The following ANKS1A variants were observed in gnomAD, a reference collection of about 807,000 sequenced individuals.
ANKS1A encodes the protein ankyrin repeat and sterile alpha motif domain containing 1A, also known as ankyrin repeat and SAM domain-containing protein 1A.
A neutral mutation model predicts 120.3 loss-of-function variants in ANKS1A; 55 were observed. The observed-to-expected ratio is 0.46, with a 90% CI of 0.37 to 0.57. The LOEUF (loss-of-function observed/expected upper bound fraction) is 0.57. Among genes scored for constraint, ANKS1A ranks in the 20% least tolerant of loss-of-function variants. ANKS1A has a pLI of 0.00. For missense variants in ANKS1A, 1,123 were observed against 1,480.3 expected (o/e 0.76, Z 3.96); for synonymous variants, 590 against 604.7 (o/e 0.98, Z 0.36).
intron 13 of ANKS1A, among the ~76,000 whole-genome samples, chr6:35,062,006 T>C (rs557603112): frequency 2.6e-5 from 4 of 152,356 alleles, no homozygotes; most frequent in African/African-American, 7.2e-5. Flanking sequence ...CTTCTGCTGA[T>C]TTTGGAAAGA....
chr6:34,978,894 TTTTG>T (rs772959159), intron 3 of ANKS1A, among the ~76,000 whole-genome samples: 28 of 151,870 alleles, frequency 1.8e-4, no homozygotes, highest in Non-Finnish European at 2.5e-4. Context: ...CTACTAGTTT[TTTTG>T]TTTGTTTGTT....
intron 10 of ANKS1A, among the ~76,000 whole-genome samples, chr6:35,009,466 G>T (rs1773627328): frequency 6.6e-6 from 1 of 152,122 alleles, no homozygotes; most frequent in South Asian, 2.1e-4. Flanking sequence ...TTTCAAATGT[G>T]TTAAGTTTGA....
At position 34,994,335 on chromosome 6, in the gene ANKS1A, G is replaced by A; in HGVS notation, c.1336G>A (p.Ala446Thr). 1.9e-6 allele frequency: 3 copies of A among 1,613,600 alleles called. No individual in the cohort carries two copies. Among genetic ancestry groups the A allele is most frequent in the South Asian group, 1.1e-5 (1 of 91,072 alleles). The stretch of plus-strand genomic sequence containing the variant: ...CATGAGACCTAGGATTCATGGGAGT[G>A]CAGCCCGGGAAGAAGACGAACACCC... The part of the protein sequence containing the change: ...LSMRPRIHGS[A>T]AREEDEHPYE... The change falls in exon 10 of 24, where the codon GCA (alanine) becomes ACA (threonine). Residue 446 changes from alanine (A) to threonine (T), a missense_variant. By Grantham distance (58) the Ala-to-Thr change is moderately conservative. Transcript: ENST00000360359.
intron 10 of ANKS1A, among the ~76,000 whole-genome samples, chr6:35,004,529 A>G (rs1192324245): frequency 6.6e-6 from 1 of 152,194 alleles, no homozygotes; most frequent in Non-Finnish European, 1.5e-5. Flanking sequence ...TCACTGAGGA[A>G]GAAAACATTT....
chr6:34,964,105 C>T (rs1392334632), intron 1 of ANKS1A, among the ~76,000 whole-genome samples: 1 of 152,138 alleles, frequency 6.6e-6, no homozygotes, highest in Non-Finnish European at 1.5e-5. Context: ...CTTTGCTGTA[C>T]AGAATCCCAC....
chr6:35,006,220 C>T (rs1344048007), intron 10 of ANKS1A, among the ~76,000 whole-genome samples: 1 of 145,294 alleles, frequency 6.9e-6, no homozygotes, highest in African/African-American at 2.6e-5. Flanking sequence ...AAGAATTAGG[C>T]GTGATATCAC....
chr6:34,991,938 C>T (rs1327701874), intron 9 of ANKS1A, among the ~76,000 whole-genome samples: 1 of 151,084 alleles, frequency 6.6e-6, no homozygotes. Context: ...TTGACTATGA[C>T]ATAGGGCTTC....
intron 11 of ANKS1A, among the ~76,000 whole-genome samples, chr6:35,025,767 A>G (rs908821898): frequency 6.6e-6 from 1 of 151,776 alleles, no homozygotes; most frequent in Non-Finnish European, 1.5e-5. Flanking sequence ...CCTCTGTACC[A>G]GAGGGATTTT....
chr6:34,922,912 T>C (rs1318701243), intron 1 of ANKS1A, among the ~76,000 whole-genome samples: 1 of 152,038 alleles, frequency 6.6e-6, no homozygotes, highest in African/African-American at 2.4e-5. Flanking sequence ...AGGATGGTCT[T>C]GATCTCCTGA....
At chr6:34,898,538 A>G (rs1767203606) in intron 1 of ANKS1A, among the ~76,000 whole-genome samples, 1 of 152,202 alleles carries the variant, frequency 6.6e-6, no homozygotes, top group East Asian at 1.9e-4. Context: ...TAACTTATGA[A>G]AATATATTTT....
At chr6:35,039,445 C>T (rs1349327871) in intron 11 of ANKS1A, 1 of 387,948 alleles carries the variant, frequency 2.6e-6, no homozygotes, top group African/African-American at 2.1e-5. Flanking sequence ...GATCCGCCCA[C>T]CTCAGCCTCC....
At chr6:35,048,073 A>G (rs577309096) in intron 11 of ANKS1A, among the ~76,000 whole-genome samples, 1 of 152,370 alleles carries the variant, frequency 6.6e-6, no homozygotes, top group Non-Finnish European at 1.5e-5. Context: ...TTAGAGCCTT[A>G]GACCACGCTC....
chr6:34,906,974 A>T (rs564035888), intron 1 of ANKS1A, among the ~76,000 whole-genome samples: 1 of 152,350 alleles, frequency 6.6e-6, no homozygotes, highest in South Asian at 2.1e-4. Flanking sequence ...ATCACCAGTG[A>T]TAAGTCATGC....
chr6:34,988,575 G>A (rs532875696), intron 8 of ANKS1A, among the ~76,000 whole-genome samples: 17 of 152,296 alleles, frequency 1.1e-4, no homozygotes, highest in African/African-American at 3.8e-4. Flanking sequence ...CAGCCTGGGC[G>A]ACAGAGTGAG....
chr6:34,940,776 C>T (rs370444105), intron 1 of ANKS1A, among the ~76,000 whole-genome samples: 3 of 151,634 alleles, frequency 2.0e-5, no homozygotes, highest in African/African-American at 4.8e-5. Flanking sequence ...GGCGTGGTGG[C>T]GGGTGCCTGT....
At chr6:35,046,260 C>A (rs1242983908) in intron 11 of ANKS1A, among the ~76,000 whole-genome samples, 1 of 152,166 alleles carries the variant, frequency 6.6e-6, no homozygotes, top group Non-Finnish European at 1.5e-5. Context: ...AGCCACACCA[C>A]AACACAGAAG....
intron 1 of ANKS1A, among the ~76,000 whole-genome samples, chr6:34,929,719 CT>C (rs1190456204): frequency 7.2e-5 from 11 of 151,746 alleles, no homozygotes; most frequent in African/African-American, 2.7e-4. Context: ...TCCATTAGGT[CT>C]TTCCTTTCTT....
At chr6:34,905,198 C>T (rs1295822793) in intron 1 of ANKS1A, among the ~76,000 whole-genome samples, 1 of 152,202 alleles carries the variant, frequency 6.6e-6, no homozygotes, top group African/African-American at 2.4e-5. Context: ...TTCCTCATTA[C>T]CAGGAACTGG....
chr6:35,084,590 G>A lies in ANKS1A; in HGVS notation c.3132+332G>A, dbSNP rs541010299. Among the ~76,000 whole-genome samples the A allele has an allele frequency of 1.0e-3, 155 of 150,648 alleles. 1 individual carries two copies. The highest frequency in any genetic ancestry group is 3.5e-3 in the African/African-American group (142 of 40,984). On this transcript the variant is annotated intron_variant, in intron 21 of 23. Transcript: ENST00000360359. The surrounding 1 kb of genome is among the most constrained non-coding windows in gnomAD (Gnocchi z 4.8). ...CAAGTTACCCACCTCAGCCTCCCAC[G>A]TAACTGGATAATAGGCGTGAGCCAC...
Sources: gnomAD v4.1 joint callset for allele counts (sites outside exome capture counted in the v4.1 genomes callset) on GRCh38, gnomAD v4.1.1 for gene constraint, Gnocchi (gnomAD v3.1) non-coding constraint, MANE v1.5 for transcripts, NCBI Gene and HGNC (gene_info 2026-07-23, HGNC 2026-07-21) for gene names.